The following PDE4DIP variants were observed in gnomAD, a reference collection of about 807,000 sequenced individuals.
PDE4DIP encodes the protein myomegalin.
Under a neutral mutation model 221.4 loss-of-function variants are expected in PDE4DIP, and 59 were observed. That is an observed-to-expected ratio of 0.27 (90% CI 0.22 to 0.33). The LOEUF (loss-of-function observed/expected upper bound fraction) is 0.33, where lower values mean the gene tolerates loss of function less well. PDE4DIP is among the 10% of genes least tolerant of loss of function. The pLI, the probability that PDE4DIP is intolerant of heterozygous loss-of-function variation, is 1.00. For synonymous variants in PDE4DIP, 404 were observed against 815.9 expected, an observed-to-expected ratio of 0.50 and a Z score of 8.60; for missense variants, 1,036 against 2,154.2, an observed-to-expected ratio of 0.48 and a Z score of 10.28.
rs587726809 is a variant in PDE4DIP at position 149,010,665 on chromosome 1, C to T, written c.5080+70C>T. 281 of 1,516,796 alleles carry T rather than the reference C, an allele frequency of 1.9e-4. 1 individual carries two copies. The East Asian group carries it at 5.3e-3, about 29-fold the overall frequency. The allele number at this position is 1,516,796 out of a possible 1,614,324, so 94.0% of individuals were successfully genotyped here. A position where few individuals can be genotyped will look rare whatever the true frequency, so the allele number is the denominator to read the frequency against. On this transcript the variant is annotated intron_variant, in intron 31 of 43. Transcript: ENST00000369354. ...TGCTGCCTGTTTGATTTTTCTTCAA[C>T]GACAGAGGTTTGGACTGTTAGGGGC...
chr1:148,958,421 C>T (rs1306799867), intron 5 of PDE4DIP, among the ~76,000 whole-genome samples: 1 of 152,106 alleles, frequency 6.6e-6, no homozygotes, highest in East Asian at 1.9e-4. Flanking sequence ...TAAAAAACTG[C>T]AGTCTATTCT....
chr1:148,968,102 G>A (rs1453481701), intron 13 of PDE4DIP, among the ~76,000 whole-genome samples, 197 bp downstream of exon 16: 1 of 137,038 alleles, frequency 7.3e-6, no homozygotes, highest in Non-Finnish European at 1.6e-5. Flanking sequence ...CTTTCTCAAA[G>A]AACTTATGTG....
chr1:148,981,793 C>A, intron 21 of PDE4DIP: 1 of 222,682 alleles, frequency 4.5e-6, no homozygotes, highest in Non-Finnish European at 9.3e-6. Context: ...CAATCCATTT[C>A]ATATGTTCCA....
At chr1:148,963,389 A>G (rs1392876524) in intron 9 of PDE4DIP, among the ~76,000 whole-genome samples, 2 of 152,210 alleles carry the variant, frequency 1.3e-5, no homozygotes, top group African/African-American at 2.4e-5. Flanking sequence ...AAATACAAGG[A>G]TGAATAGCAC....
intron 1 of PDE4DIP, among the ~76,000 whole-genome samples, chr1:148,852,476 A>AC (rs1679677085): frequency 1.2e-4 from 2 of 16,620 alleles, no homozygotes; most frequent in African/African-American, 4.0e-4. Flanking sequence ...AAAAAAAAAA[A>AC]AAAACTAGAA....
intron 26 of PDE4DIP, among the ~76,000 whole-genome samples, chr1:149,004,320 G>A (rs1246667230): frequency 6.6e-6 from 1 of 151,306 alleles, no homozygotes; most frequent in Non-Finnish European, 1.5e-5. Flanking sequence ...CCTGGCATCT[G>A]GTAAAATGCC....
At chr1:148,956,662 A>G (rs1432349408) in intron 5 of PDE4DIP, among the ~76,000 whole-genome samples, 2 of 150,360 alleles carry the variant, frequency 1.3e-5, no homozygotes, top group African/African-American at 4.9e-5. Context: ...GCCCATGTGC[A>G]ATTTCCCTTT....
chr1:148,877,517 T>C (rs1379083149), intron 3 of PDE4DIP, among the ~76,000 whole-genome samples: 1 of 138,138 alleles, frequency 7.2e-6, no homozygotes, highest in South Asian at 2.3e-4. Context: ...AGAATGTAAT[T>C]ATTATTGTAA....
intron 6 of PDE4DIP, among the ~76,000 whole-genome samples, chr1:148,961,121 A>G (rs1418634219): frequency 2.0e-5 from 3 of 152,168 alleles, no homozygotes; most frequent in African/African-American, 7.2e-5. Context: ...CCTGGCCAAC[A>G]TGGTGAAACC....
At chr1:149,023,600 GTATA>G (rs375123983) in intron 37 of PDE4DIP, among the ~76,000 whole-genome samples, 1 of 143,744 alleles carries the variant, frequency 7.0e-6, no homozygotes, top group African/African-American at 2.6e-5. Context: ...ATATGTACAT[GTATA>G]TGTGTGCACA....
chr1:149,009,676 C>G (rs1553603077), exon 30 of PDE4DIP: 1 of 1,614,202 alleles, frequency 6.2e-7, no homozygotes, highest in East Asian at 2.2e-5. Flanking sequence ...CTGACTCCCA[C>G]CGCTCTCCCA....
At chr1:148,984,676 T>C (rs1358548435) in intron 21 of PDE4DIP, 4 of 152,064 alleles carry the variant, frequency 2.6e-5, no homozygotes, top group Admixed American at 1.3e-4. Flanking sequence ...AGTCTTCTGA[T>C]TGTGGAAAGG....
chr1:148,971,522 T>G (rs1212780051), intron 14 of PDE4DIP, among the ~76,000 whole-genome samples: 1 of 152,200 alleles, frequency 6.6e-6, no homozygotes, highest in African/African-American at 2.4e-5. Flanking sequence ...GATATACATA[T>G]ACATTTTGAA....
intron 1 of PDE4DIP, among the ~76,000 whole-genome samples, chr1:148,892,305 T>G (rs1698860515): frequency 5.7e-5 from 7 of 123,742 alleles, no homozygotes. Context: ...AGGATTTTTT[T>G]TTTTTTTAAA....
chr1:148,889,166 T>C (rs1553433620), upstream of PDE4DIP, among the ~76,000 whole-genome samples: 1 of 152,124 alleles, frequency 6.6e-6, no homozygotes, highest in African/African-American at 2.4e-5. Flanking sequence ...TGCGGTTACC[T>C]TTGTGGGCCG....
exon 44 of PDE4DIP, chr1:149,032,023 C>T: frequency 6.2e-7 from 1 of 1,611,268 alleles, no homozygotes; most frequent in Non-Finnish European, 8.5e-7. Flanking sequence ...AGCGCAGCCA[C>T]CAGAAGTCCT....
At chr1:148,949,114 C>A (rs1255642591) in intron 5 of PDE4DIP, among the ~76,000 whole-genome samples, 1 of 152,026 alleles carries the variant, frequency 6.6e-6, no homozygotes, top group East Asian at 1.9e-4. Flanking sequence ...TATGAATACA[C>A]CAAAATGTGT....
At chr1:148,980,018 G>A (rs1200756732) in intron 20 of PDE4DIP, among the ~76,000 whole-genome samples, 169 bp downstream of exon 23, 3 of 152,236 alleles carry the variant, frequency 2.0e-5, no homozygotes, top group East Asian at 1.9e-4. Flanking sequence ...TTGTTTTATG[G>A]ATTGCTCTGA....
chr1:148,998,583 C>G (rs1553569798), intron 23 of PDE4DIP, among the ~76,000 whole-genome samples: 7 of 149,934 alleles, frequency 4.7e-5, no homozygotes, highest in Non-Finnish European at 1.5e-5. Flanking sequence ...GTGCATCTGC[C>G]AGTCATACAT....
Sources: gnomAD v4.1 joint callset for allele counts (sites outside exome capture counted in the v4.1 genomes callset) on GRCh38, gnomAD v4.1.1 for gene constraint, MANE v1.5 for transcripts, NCBI Gene and HGNC (gene_info 2026-07-23, HGNC 2026-07-21) for gene names.